DHX9: variants seen among roughly 807,000 people sequenced by gnomAD.
DHX9 encodes the protein DExH-box helicase 9.
A neutral mutation model predicts 148.7 loss-of-function variants in DHX9; 27 were observed. The ratio of observed to expected loss-of-function variants is 0.18; its 90% CI spans 0.13 to 0.25. DHX9 has a LOEUF of 0.25. Ranked by LOEUF, DHX9 falls within the 10% of genes least tolerant of loss-of-function variation. The pLI is 1.00. For synonymous variants in DHX9, 529 were observed against 516.6 expected (o/e 1.02, Z -0.33); for missense variants, 796 against 1,559.6 (o/e 0.51, Z 8.25).
chr1:182,841,290 C>CA (rs111535009), intron 1 of DHX9, among the ~76,000 whole-genome samples: 11,595 of 139,120 alleles, frequency 0.083, 1,158 homozygotes, highest in African/African-American at 0.25. Context: ...GACTCCGTCT[C>CA]AAAAAAAAAA....
At chr1:182,850,605 A>AG (rs1024559493) in intron 3 of DHX9, among the ~76,000 whole-genome samples, 3 of 152,168 alleles carry the variant, frequency 2.0e-5, no homozygotes, top group Non-Finnish European at 2.9e-5. Context: ...AAAAAAAAAA[A>AG]AAAAGGTTTT....
At chr1:182,884,920 C>T (rs920354002) in intron 27 of DHX9, 107 bp downstream of exon 27, 6 of 1,010,918 alleles carry the variant, frequency 5.9e-6, no homozygotes, top group Non-Finnish European at 9.0e-6. Context: ...AAGTAAAATT[C>T]TAGATATAGA....
At chr1:182,864,449 A>G (rs1350792291) in intron 12 of DHX9, among the ~76,000 whole-genome samples, 1 of 152,206 alleles carries the variant, frequency 6.6e-6, no homozygotes, top group African/African-American at 2.4e-5. Flanking sequence ...CCTTTGATCA[A>G]TTGGATTAAA....
Position 182,881,303 on chromosome 1 carries a change from C to T in DHX9, c.2664C>T (p.Cys888=). The change falls in exon 23 of 28, where the codon TGC becomes TGT. Residue 888 remains cysteine (C), a synonymous_variant. Coordinates refer to ENST00000367549, the MANE Select transcript of DHX9 (RefSeq NM_001357.5). ...TCTGTACCATTGCTGCTGCTACCTG[C>T]TTTCCAGAGCCTTTCATCAATGAAG... ...DAICTIAAAT[C]FPEPFINEGK... is the part of the protein sequence containing the mutation. 6.2e-7 allele frequency: 1 copy of T among 1,614,048 alleles called. No homozygotes were observed. Among genetic ancestry groups the T allele is most frequent in the South Asian group, 1.1e-5 (1 of 91,042 alleles).
rs752123485 is a variant in DHX9 at position 182,880,627 on chromosome 1, T to A, written c.2624+19T>A. ...TTTTCTAGTAAGTGCTTTGTTTTAT[T>A]TCTCTTCGTTAAGTGGCAGAATAAT... On this transcript the variant is annotated intron_variant, in intron 22 of 27. Coordinates refer to ENST00000367549, the MANE Select transcript of DHX9 (RefSeq NM_001357.5). 1 of 1,486,736 alleles carries A rather than the reference T, an allele frequency of 6.7e-7. No individual in the cohort carries two copies. The highest frequency in any genetic ancestry group is 9.4e-7 in the Non-Finnish European group (1 of 1,064,914). The allele number at this position is 1,486,736 out of a possible 1,614,324, so 92.1% of individuals were successfully genotyped here.
At chr1:182,850,928 C>T (rs956908230) in intron 3 of DHX9, among the ~76,000 whole-genome samples, 8 of 152,084 alleles carry the variant, frequency 5.3e-5, no homozygotes, top group Non-Finnish European at 7.4e-5. Context: ...ACATCAGACA[C>T]CTCAATTCTC....
chr1:182,843,253 T>TA (rs1667964119), intron 2 of DHX9, 41 bp from the exon 3 acceptor site: 1 of 1,475,302 alleles, frequency 6.8e-7, no homozygotes, highest in South Asian at 1.5e-5. Context: ...ATCTCAGAAT[T>TA]ACCCAGGTCA....
At chr1:182,854,234 C>G (rs778520501) in intron 6 of DHX9, 56 bp downstream of exon 6, 72 of 1,483,546 alleles carry the variant, frequency 4.9e-5, no homozygotes, top group Non-Finnish European at 6.1e-5. Context: ...TTTGGATATT[C>G]ACTGTTGAAT....
At chr1:182,843,525 T>G (rs747423349) in intron 3 of DHX9, 91 bp downstream of exon 3, 11 of 1,235,412 alleles carry the variant, frequency 8.9e-6, no homozygotes, top group Non-Finnish European at 1.2e-5. Flanking sequence ...AATTTTTCAC[T>G]GTTTTCAGAT....
At chr1:182,853,980 T>C in intron 5 of DHX9, 50 bp from the exon 6 acceptor site, 1 of 1,567,998 alleles carries the variant, frequency 6.4e-7, no homozygotes, top group Non-Finnish European at 8.7e-7. Context: ...GTGCCTTGTT[T>C]GTATACCTAA....
At position 182,876,504 on chromosome 1, in the gene DHX9, G is replaced by A. The variant is rs1648765162; in HGVS notation, c.2087G>A (p.Arg696His). ...LHSQIPREEQ[R>H]KVFDPVPVGV... is the part of the protein sequence containing the mutation. Reference sequence around the variant, plus strand: ...TCTCAGATTCCTCGAGAGGAACAGCGCAAAGTGTTTGATCCAGTACCAGTT... The same window carrying A: ...TCTCAGATTCCTCGAGAGGAACAGCACAAAGTGTTTGATCCAGTACCAGTT... Residue 696 changes from arginine (R) to histidine (H), a missense_variant, in exon 18 of 28, where the codon CGC becomes CAC. Physicochemically the swap from Arg to His is conservative, Grantham distance 29. This residue lies in a region of DHX9 where 133 missense variants were observed against 223.8 expected (regional missense o/e 0.59). Coordinates refer to ENST00000367549, the MANE Select transcript of DHX9 (RefSeq NM_001357.5). 5.6e-6 allele frequency: 9 copies of A among 1,612,802 alleles called. No homozygotes were observed. Among genetic ancestry groups the A allele is most frequent in the Admixed American group, 3.3e-5 (2 of 60,012 alleles).
intron 7 of DHX9, among the ~76,000 whole-genome samples, chr1:182,857,058 C>T (rs974678260): frequency 6.6e-6 from 1 of 152,158 alleles, no homozygotes; most frequent in Non-Finnish European, 1.5e-5. Context: ...ACCATGTTAG[C>T]AGATGGTCTC....
At chr1:182,883,496 T>C in intron 25 of DHX9, 24 bp from the exon 26 acceptor site, 1 of 1,604,668 alleles carries the variant, frequency 6.2e-7, no homozygotes, top group East Asian at 2.2e-5. Flanking sequence ...AACCATTTTG[T>C]ATTGTCTCTT....
At chr1:182,847,523 G>C (rs1416488937) in intron 3 of DHX9, among the ~76,000 whole-genome samples, 1 of 152,172 alleles carries the variant, frequency 6.6e-6, no homozygotes, top group African/African-American at 2.4e-5. Context: ...TTGCTGGGCA[G>C]CTTGGAATCT....
chr1:182,853,456 G>A, intron 5 of DHX9, 38 bp downstream of exon 5: 1 of 1,471,802 alleles, frequency 6.8e-7, no homozygotes. Flanking sequence ...CTGAGAATGT[G>A]ATTTGGGACT....
At chr1:182,844,413 T>C (rs1052305157) in intron 3 of DHX9, among the ~76,000 whole-genome samples, 14 of 152,230 alleles carry the variant, frequency 9.2e-5, no homozygotes, top group African/African-American at 3.4e-4. Context: ...CTTTTTTCTT[T>C]TTGGGGCTCA....
chr1:182,866,845 A>G, intron 13 of DHX9, 116 bp from the exon 14 acceptor site: 1 of 835,334 alleles, frequency 1.2e-6, no homozygotes, highest in Non-Finnish European at 1.9e-6. Context: ...GTTTAAATGT[A>G]CATGTGATTA....
chr1:182,879,161 C>G lies in DHX9; in HGVS notation c.2352-89C>G, dbSNP rs115898724. 4 of 1,080,728 alleles carry G rather than the reference C, an allele frequency of 3.7e-6. No homozygotes were observed. In the African/African-American group the frequency reaches 4.7e-5, roughly 13 times the overall value. 66.9% of individuals were successfully genotyped at this position (1,080,728 alleles called of 1,614,324 possible). On this transcript the variant is annotated intron_variant, in intron 20 of 27. Transcript: ENST00000367549. ...ATAAAAGGATGAGGAAAAGGCAGCTCTGTATCCCTGATTACCTTGCTGCAA... is the reference window on the plus strand; with the variant it reads ...ATAAAAGGATGAGGAAAAGGCAGCTGTGTATCCCTGATTACCTTGCTGCAA...
chr1:182,856,433 T>G, intron 6 of DHX9, 99 bp from the exon 7 acceptor site: 1 of 944,930 alleles, frequency 1.1e-6, no homozygotes, highest in Non-Finnish European at 1.7e-6. Flanking sequence ...TTTTCTGTGA[T>G]TTGCCTAAGC....
Sources: gnomAD v4.1 joint callset for allele counts (sites outside exome capture counted in the v4.1 genomes callset) on GRCh38, gnomAD v4.1.1 for gene constraint, gnomAD v4.1.1 regional missense constraint, MANE v1.5 for transcripts, NCBI Gene and HGNC (gene_info 2026-07-23, HGNC 2026-07-21) for gene names.